RTP2: variants seen among roughly 807,000 people sequenced by gnomAD.
RTP2 encodes receptor transporter protein 2.
RTP2 carries 12 observed loss-of-function variants against 17.9 expected under a neutral mutation model. The ratio of observed to expected loss-of-function variants is 0.67; its 90% CI spans 0.43 to 1.09. The LOEUF is 1.09. RTP2 is among the 50% of genes least tolerant of loss of function. RTP2 has a pLI of 0.00. For missense variants in RTP2, 327 were observed against 295.7 expected, an observed-to-expected ratio of 1.11 and a Z score of -0.78; for synonymous variants, 126 against 117.7, an observed-to-expected ratio of 1.07 and a Z score of -0.46.
At chr3:187,707,119 A>G (rs533897520), upstream of RTP2, among the ~76,000 whole-genome samples, 4 of 152,246 alleles carry the variant, frequency 2.6e-5, no homozygotes, top group Non-Finnish European at 2.9e-5. Context: ...ACATCTACAC[A>G]TGGCCTTTCT....
upstream of RTP2, among the ~76,000 whole-genome samples, chr3:187,703,994 T>A (rs1717926985): frequency 6.6e-6 from 1 of 152,166 alleles, no homozygotes; most frequent in Non-Finnish European, 1.5e-5. Context: ...GTGAGCACAA[T>A]TACTACTTCA....
the RTP2 span, among the ~76,000 whole-genome samples, chr3:187,712,644 C>T: frequency 6.6e-6 from 1 of 152,100 alleles, no homozygotes; most frequent in African/African-American, 2.4e-5. Context: ...TAAGAAAACT[C>T]TAAGTCCTGA....
upstream of RTP2, among the ~76,000 whole-genome samples, chr3:187,704,644 G>C (rs1294333107): frequency 6.6e-6 from 1 of 152,170 alleles, no homozygotes; most frequent in Non-Finnish European, 1.5e-5. Context: ...ACAAATGCAA[G>C]GTGTGTCCTA....
At chr3:187,700,960 T>G (rs2108542085) in intron 1 of RTP2, among the ~76,000 whole-genome samples, 1 of 152,346 alleles carries the variant, frequency 6.6e-6, no homozygotes, top group South Asian at 2.1e-4. Flanking sequence ...GTAAGCTCCC[T>G]ACCCACATCT....
the RTP2 span, among the ~76,000 whole-genome samples, chr3:187,709,003 C>T: frequency 1.4e-5 from 2 of 146,052 alleles, no homozygotes; most frequent in Non-Finnish European, 3.0e-5. Flanking sequence ...TGGAGTAGAA[C>T]CTAGGCACAG....
the RTP2 span, among the ~76,000 whole-genome samples, chr3:187,708,808 A>G: frequency 4.6e-5 from 7 of 152,184 alleles, no homozygotes; most frequent in East Asian, 1.9e-4. Context: ...TATTTTCCCC[A>G]TTTGACATAA....
chr3:187,698,618 C>A, exon 2 of RTP2: 1 of 1,614,236 alleles, frequency 6.2e-7, no homozygotes, highest in Non-Finnish European at 8.5e-7. Context: ...CCTGGGCCCT[C>A]GGCTTGGAGG....
chr3:187,702,045 C>T lies in RTP2; in HGVS notation c.84G>A (p.Glu28=), dbSNP rs765584643. ...GCTTGAGGTTGGGGTCTATGATGAG[C>T]TCCCAGCTGTCCGCTGGCTTTGCCA... The change falls in exon 1 of 2, where the codon GAG becomes GAA. Residue 28 remains glutamate, a synonymous_variant. Coordinates refer to ENST00000358241, the Ensembl canonical transcript of RTP2. 31 of 1,613,604 alleles carry T rather than the reference C, an allele frequency of 1.9e-5. 1 individual carries two copies. Among genetic ancestry groups the T allele is most frequent in the South Asian group, 1.3e-4 (12 of 91,000 alleles).
At chr3:187,711,959 C>G in the RTP2 span, among the ~76,000 whole-genome samples, 2 of 152,116 alleles carry the variant, frequency 1.3e-5, no homozygotes, top group Admixed American at 1.3e-4. Context: ...GAGAACAGAT[C>G]AGCGGTTGCC....
the RTP2 span, among the ~76,000 whole-genome samples, chr3:187,709,802 A>T: frequency 5.3e-5 from 8 of 152,268 alleles, no homozygotes; most frequent in Non-Finnish European, 1.0e-4. Context: ...CATTGGCAAC[A>T]TATGTAGGAT....
chr3:187,706,829 C>G (rs1718004033), upstream of RTP2, among the ~76,000 whole-genome samples: 1 of 152,132 alleles, frequency 6.6e-6, no homozygotes, highest in East Asian at 1.9e-4. Flanking sequence ...TCTCGAACTC[C>G]TGACGTCGTG....
the RTP2 span, among the ~76,000 whole-genome samples, chr3:187,707,622 T>C: frequency 1.3e-5 from 2 of 152,322 alleles, no homozygotes; most frequent in Non-Finnish European, 2.9e-5. Flanking sequence ...GCCTGAAAGA[T>C]ACATGGGACC....
chr3:187,698,499 T>C (rs1553830058), exon 2 of RTP2: 22 of 1,602,124 alleles, frequency 1.4e-5, no homozygotes, highest in Non-Finnish European at 1.7e-5. Flanking sequence ...CCAGCTCCAC[T>C]AAAAGAAGGC....
chr3:187,698,748 C>T, exon 2 of RTP2: 1 of 1,613,962 alleles, frequency 6.2e-7, no homozygotes, highest in African/African-American at 1.3e-5. Context: ...GTCCGGGCGG[C>T]TGGCCACGTG....
the RTP2 span, among the ~76,000 whole-genome samples, chr3:187,714,373 T>C: frequency 6.6e-6 from 1 of 152,174 alleles, no homozygotes; most frequent in Admixed American, 6.5e-5. Context: ...CACATTCAAG[T>C]AGATCTCCGA....
At chr3:187,715,205 G>A in the RTP2 span, among the ~76,000 whole-genome samples, 1 of 152,044 alleles carries the variant, frequency 6.6e-6, no homozygotes, top group Admixed American at 6.6e-5. Flanking sequence ...AGTTTGAAAG[G>A]GACCTTAGAG....
intron 1 of RTP2, among the ~76,000 whole-genome samples, chr3:187,700,700 C>A (rs113312055): frequency 3.9e-5 from 6 of 152,292 alleles, no homozygotes; most frequent in East Asian, 3.9e-4. Flanking sequence ...TGGGGGCAGG[C>A]GAGCTTAAGA....
exon 1 of RTP2, chr3:187,702,354 G>T: frequency 1.8e-6 from 1 of 568,752 alleles, no homozygotes. Flanking sequence ...CCAAGGGGGA[G>T]TTTCAGGGCC....
intron 1 of RTP2, among the ~76,000 whole-genome samples, chr3:187,700,980 T>C (rs989507781): frequency 6.6e-6 from 1 of 152,226 alleles, no homozygotes; most frequent in Non-Finnish European, 1.5e-5. Context: ...TTGCCTCCTC[T>C]GTTCCCACCC....
Sources: gnomAD v4.1 joint callset for allele counts (sites outside exome capture counted in the v4.1 genomes callset) on GRCh38, gnomAD v4.1.1 for gene constraint, MANE v1.5 for transcripts, NCBI Gene and HGNC (gene_info 2026-07-23, HGNC 2026-07-21) for gene names.